GMPR: variants seen among roughly 807,000 people sequenced by gnomAD.
The protein encoded by GMPR is guanosine monophosphate reductase.
GMPR carries 31 observed loss-of-function variants against 38.4 expected under a neutral mutation model. That is an observed-to-expected ratio of 0.81 (90% confidence interval 0.61 to 1.09). The LOEUF (loss-of-function observed/expected upper bound fraction) is 1.09, where lower values mean the gene tolerates loss of function less well. Among genes scored for constraint, GMPR ranks in the 50% least tolerant of loss-of-function variants. GMPR has a pLI of 0.00. For synonymous variants in GMPR, 162 were observed against 173.3 expected (o/e 0.93, Z 0.51); for missense variants, 468 against 453.7 (o/e 1.03, Z -0.29).
At chr6:16,275,747 C>G (rs1412169369) in intron 5 of GMPR, among the ~76,000 whole-genome samples, 1 of 152,202 alleles carries the variant, frequency 6.6e-6, no homozygotes. Flanking sequence ...CAGGGACACT[C>G]ACTAGTCACC....
At chr6:16,267,364 C>T (rs570592863) in intron 4 of GMPR, among the ~76,000 whole-genome samples, 43 of 150,598 alleles carry the variant, frequency 2.9e-4, no homozygotes, top group South Asian at 8.4e-4. Flanking sequence ...AGGGAGACTC[C>T]GTCTCAAAAA....
intron 4 of GMPR, among the ~76,000 whole-genome samples, chr6:16,260,750 C>G (rs750096071): frequency 6.6e-6 from 1 of 151,972 alleles, no homozygotes; most frequent in Non-Finnish European, 1.5e-5. Flanking sequence ...ATCAATAAAT[C>G]AAGCGTGATC....
intron 8 of GMPR, among the ~76,000 whole-genome samples, chr6:16,294,181 G>A (rs1027755782): frequency 3.3e-5 from 5 of 152,170 alleles, no homozygotes; most frequent in African/African-American, 9.7e-5. Context: ...AAATGTGAAC[G>A]TTGCTATCCA....
chr6:16,250,443 C>A, intron 3 of GMPR, 76 bp downstream of exon 3: 1 of 834,062 alleles, frequency 1.2e-6, no homozygotes, highest in Non-Finnish European at 2.1e-6. Flanking sequence ...AAGAGGATTT[C>A]AGTCAGTAGC....
intron 3 of GMPR, among the ~76,000 whole-genome samples, chr6:16,252,555 A>G (rs1758897353): frequency 6.6e-6 from 1 of 152,144 alleles, no homozygotes; most frequent in African/African-American, 2.4e-5. Flanking sequence ...ACCTTCTTTA[A>G]GGGAGTTTTT....
intron 4 of GMPR, chr6:16,262,806 G>C (rs925775237): frequency 2.6e-5 from 4 of 152,036 alleles, no homozygotes; most frequent in South Asian, 2.1e-4. Context: ...TTTTATATTT[G>C]ATGAAAAAGA....
rs150360905 is a variant in GMPR, at chr6:16,286,429, G to A, written c.697+594G>A. Among the ~76,000 whole-genome samples the A allele has an allele frequency of 1.4e-3, 206 of 152,052 alleles. 3 individuals carry two copies. The highest frequency in any genetic ancestry group is 6.8e-3 in the Middle Eastern group (2 of 294). Reference sequence around the variant, plus strand: ...TGTGTTGGCCATAGAACTGCAAATGGCATTTGGAAGTCAGAGCTGGCCGCG... The same window carrying A: ...TGTGTTGGCCATAGAACTGCAAATGACATTTGGAAGTCAGAGCTGGCCGCG... On this transcript the variant is annotated intron_variant, in intron 7 of 8. Transcript: ENST00000259727.
intron 1 of GMPR, among the ~76,000 whole-genome samples, chr6:16,245,780 G>A (rs940338406): frequency 1.1e-4 from 17 of 152,222 alleles, no homozygotes; most frequent in Non-Finnish European, 2.9e-5. Flanking sequence ...GTGCTCTGGA[G>A]CCCAGGAAGG....
chr6:16,274,285 G>A, intron 4 of GMPR, 130 bp from the exon 5 acceptor site: 1 of 654,596 alleles, frequency 1.5e-6, no homozygotes, highest in East Asian at 2.7e-5. Context: ...GAAATTCTGT[G>A]TTCCTTTTTT....
At position 16,285,851 on chromosome 6, in the gene GMPR, G is replaced by A. The variant is rs541182283; in HGVS notation, c.697+16G>A. On this transcript the variant is annotated intron_variant, in intron 7 of 8. Coordinates refer to ENST00000259727, the MANE Select transcript of GMPR (RefSeq NM_006877.4). Reference sequence around the variant, plus strand: ...AAAGCCTTTGGTAAGGCCGGGCCCTGGTGCAGAGGGAGGGAAGGAAGGAAG... The same window carrying A: ...AAAGCCTTTGGTAAGGCCGGGCCCTAGTGCAGAGGGAGGGAAGGAAGGAAG... The A allele has an allele frequency of 1.2e-6, 2 of 1,601,178 alleles. No individual in the cohort carries two copies. The highest frequency in any genetic ancestry group is 1.7e-6 in the Non-Finnish European group (2 of 1,172,304).
At chr6:16,268,467 C>T (rs148347877) in intron 4 of GMPR, among the ~76,000 whole-genome samples, 159 of 152,222 alleles carry the variant, frequency 1.0e-3, no homozygotes, top group African/African-American at 3.5e-3. Flanking sequence ...TTAGTAGAGA[C>T]GAGGTTTTGC....
At chr6:16,267,212 AAAAG>A (rs1397181143) in intron 4 of GMPR, among the ~76,000 whole-genome samples, 4 of 152,064 alleles carry the variant, frequency 2.6e-5, no homozygotes, top group African/African-American at 9.7e-5. Context: ...AAGTACAAAA[AAAAG>A]AAAAAATTAG....
At chr6:16,254,540 T>G (rs1458579066) in intron 3 of GMPR, 22 bp from the exon 4 acceptor site, 1 of 1,609,132 alleles carries the variant, frequency 6.2e-7, no homozygotes. Context: ...TATGCCTGTC[T>G]TCTTGGTTTA....
chr6:16,265,307 G>A (rs1240218272), intron 4 of GMPR, among the ~76,000 whole-genome samples: 1 of 152,148 alleles, frequency 6.6e-6, no homozygotes. Flanking sequence ...ACCTACTTTT[G>A]TTGATGTAAA....
intron 7 of GMPR, chr6:16,290,116 G>C (rs1481510008): frequency 1.5e-5 from 3 of 201,962 alleles, no homozygotes; most frequent in Non-Finnish European, 3.1e-5. Flanking sequence ...ACTGTGCCTG[G>C]CAGAATACTC....
At chr6:16,278,982 A>G in intron 6 of GMPR, 92 bp downstream of exon 6, 1 of 772,942 alleles carries the variant, frequency 1.3e-6, no homozygotes, top group South Asian at 1.6e-5. Flanking sequence ...TCCTGTGGGC[A>G]TGGGAGGGAG....
Position 16,279,327 on chromosome 6 carries a change from TGCTGGTTCCTTA to T in GMPR, c.654+441_654+452del, listed in dbSNP as rs1759536087. Among the ~76,000 whole-genome samples, 3 of 152,314 alleles carry T rather than the reference TGCTGGTTCCTTA, an allele frequency of 2.0e-5. No homozygotes were observed. The South Asian group carries it at 6.2e-4, about 32-fold the overall frequency. On this transcript the variant is annotated intron_variant, in intron 6 of 8. Transcript: ENST00000259727. ...TGTTGCAGGCCTCTCTGTGACCTTC[TGCTGGTTCCTTA>T]GCTTGTGGCGTCCTCTGTGTGTGTG...
intron 4 of GMPR, among the ~76,000 whole-genome samples, chr6:16,273,004 T>C (rs1452253751): frequency 6.6e-6 from 1 of 152,196 alleles, no homozygotes; most frequent in Non-Finnish European, 1.5e-5. Flanking sequence ...CATTATGTTT[T>C]TTCACTTTTA....
intron 4 of GMPR, among the ~76,000 whole-genome samples, chr6:16,261,297 T>G (rs984135369): frequency 2.6e-5 from 4 of 152,070 alleles, no homozygotes; most frequent in African/African-American, 9.6e-5. Flanking sequence ...TATGCTTAGA[T>G]AGGTAACAGA....
Sources: gnomAD v4.1 joint callset for allele counts (sites outside exome capture counted in the v4.1 genomes callset) on GRCh38, gnomAD v4.1.1 for gene constraint, MANE v1.5 for transcripts, NCBI Gene and HGNC (gene_info 2026-07-23, HGNC 2026-07-21) for gene names.